Variants in RTTN observed in about 807,000 individuals in gnomAD.
The protein encoded by RTTN is rotatin.
A neutral mutation model predicts 269.2 loss-of-function variants in RTTN; 182 were observed. The ratio of observed to expected loss-of-function variants is 0.68; its 90% confidence interval spans 0.60 to 0.76. The LOEUF is 0.76. Ranked by LOEUF, RTTN falls within the 30% of genes least tolerant of loss-of-function variation. The probability of loss-of-function intolerance (pLI) is 0.00; values close to 1 mark genes in which losing one functional copy is unlikely to be tolerated. For missense variants in RTTN, 2,545 were observed against 2,608.6 expected (o/e 0.98, Z 0.53); for synonymous variants, 1,006 against 963.5 (o/e 1.04, Z -0.82).
chr18:70,061,505 CGTATGCAT>C (rs577967303), intron 35 of RTTN: 517 of 440,676 alleles, frequency 1.2e-3, no homozygotes, highest in Non-Finnish European at 1.7e-3. Flanking sequence ...TGTGTATATA[CGTATGCAT>C]GCACATACAT....
intron 45 of RTTN, chr18:70,019,741 G>A (rs936187099): frequency 3.3e-5 from 5 of 152,148 alleles, no homozygotes; most frequent in African/African-American, 1.2e-4. Context: ...TGGCTCCAAC[G>A]TGCCACTGAA....
At chr18:70,057,262 T>C (rs2057844848) in intron 37 of RTTN, among the ~76,000 whole-genome samples, 1 of 152,256 alleles carries the variant, frequency 6.6e-6, no homozygotes, top group African/African-American at 2.4e-5. Flanking sequence ...TATAAATAGA[T>C]TCTAGCTATA....
intron 31 of RTTN, among the ~76,000 whole-genome samples, chr18:70,087,414 A>G (rs1160770069): frequency 6.6e-6 from 1 of 152,172 alleles, no homozygotes; most frequent in African/African-American, 2.4e-5. Context: ...CAGCAACAAA[A>G]CTAGCCTTTT....
chr18:70,171,300 T>A (rs1465497487), intron 11 of RTTN, among the ~76,000 whole-genome samples: 1 of 152,240 alleles, frequency 6.6e-6, no homozygotes, highest in Non-Finnish European at 1.5e-5. Context: ...GAGTAAATCC[T>A]AATGGATCTA....
rs969559210 is a variant in RTTN, at chr18:70,006,391, T to C, written c.6515A>G (p.Asn2172Ser). Reference sequence around the variant, plus strand: ...ATTTTTAAAACTGACCTTCTGATAATTGTAAATCAGAGCCCAAAGGGCAGC... The same window carrying C: ...ATTTTTAAAACTGACCTTCTGATAACTGTAAATCAGAGCCCAAAGGGCAGC... Reference protein sequence around the residue: ...GAAALWALIYNYQKAKTALKS... With the variant: ...GAAALWALIYSYQKAKTALKS... Residue 2172 changes from asparagine (N) to serine (S), a missense_variant, in exon 47 of 49, where the codon AAT becomes AGT. Transcript: ENST00000640769. 3 of 1,612,236 alleles carry C rather than the reference T, an allele frequency of 1.9e-6. No individual in the cohort carries two copies. Among genetic ancestry groups the C allele is most frequent in the African/African-American group, 1.3e-5 (1 of 74,898 alleles).
chr18:70,189,525 C>T (rs751590480), intron 9 of RTTN, among the ~76,000 whole-genome samples: 1 of 152,162 alleles, frequency 6.6e-6, no homozygotes, highest in Non-Finnish European at 1.5e-5. Flanking sequence ...GAATAAAAAT[C>T]ATGACTGTTT....
intron 30 of RTTN, among the ~76,000 whole-genome samples, chr18:70,091,909 C>T (rs1405595755): frequency 1.3e-5 from 2 of 152,008 alleles, no homozygotes; most frequent in Non-Finnish European, 2.9e-5. Context: ...CCTGCCACCA[C>T]ACCCAGCTAA....
rs182307105 is a variant in RTTN at position 70,103,857 on chromosome 18, G to A, written c.3903+5641C>T. Among the ~76,000 whole-genome samples the A allele has an allele frequency of 5.4e-4, 81 of 151,376 alleles. 1 individual carries two copies. Among genetic ancestry groups the A allele is most frequent in the Middle Eastern group, 3.5e-3 (1 of 288 alleles). ...TTATAGAGTTTCTGCCGAGAGATCC[G>A]CTGTTAGTCTGACGGGCTTCCCTTT... On this transcript the variant is annotated intron_variant, in intron 28 of 48. Transcript: ENST00000640769.
rs201635728 is a variant in RTTN, at chr18:70,030,074, G to C, written c.5683C>G (p.His1895Asp). The change falls in exon 42 of 49, where the codon CAC becomes GAC. Residue 1895 changes from histidine (H) to aspartate (D), a missense_variant. Physicochemically the swap from His to Asp is moderately conservative, Grantham distance 81. Transcript: ENST00000640769. Reference sequence around the variant, plus strand: ...TCTAGGTTCAGTTGTGCATTTATGTGTTTCATCTGCTCCATGCAATTGTCT... The same window carrying C: ...TCTAGGTTCAGTTGTGCATTTATGTCTTTCATCTGCTCCATGCAATTGTCT... Reference protein sequence around the residue: ...LIDNCMEQMKHINAQLNLDSL... With the variant: ...LIDNCMEQMKDINAQLNLDSL... The C allele has an allele frequency of 1.4e-5, 23 of 1,612,478 alleles. No individual in the cohort carries two copies. The highest frequency in any genetic ancestry group is 1.9e-5 in the Non-Finnish European group (23 of 1,179,504).
chr18:70,034,697 C>A (rs901144974), intron 40 of RTTN, among the ~76,000 whole-genome samples: 3 of 152,034 alleles, frequency 2.0e-5, no homozygotes, highest in Admixed American at 6.6e-5. Flanking sequence ...CTGGCCAGGG[C>A]AATCAGGCAA....
chr18:70,166,211 A>G (rs1330554029), intron 13 of RTTN, 23 bp from the exon 14 acceptor site: 1 of 1,611,498 alleles, frequency 6.2e-7, no homozygotes. Context: ...TAAAACAACC[A>G]AGACATGTGA....
rs79781245 is a variant in RTTN, at chr18:70,187,918, A to G, written c.1305+190T>C. Among the ~76,000 whole-genome samples, 324 of 152,344 alleles carry G rather than the reference A, an allele frequency of 2.1e-3. 1 individual carries two copies. Among genetic ancestry groups the G allele is most frequent in the Non-Finnish European group, 3.8e-3 (260 of 68,020 alleles). The stretch of plus-strand genomic sequence containing the variant: ...TGGTTTTGGTCTTAATATACGTTCC[A>G]CTATTAGAAGTAACCAGAACCTTTG... On this transcript the variant is annotated intron_variant, in intron 10 of 48. Coordinates refer to ENST00000640769, the MANE Select transcript of RTTN (RefSeq NM_173630.4).
intron 4 of RTTN, among the ~76,000 whole-genome samples, chr18:70,201,522 G>C (rs2061946410): frequency 6.8e-6 from 1 of 147,502 alleles, no homozygotes; most frequent in South Asian, 2.2e-4. Flanking sequence ...GCAGGAGAAT[G>C]GCGTGAACCC....
At chr18:70,056,124 T>G (rs1163941495) in intron 37 of RTTN, among the ~76,000 whole-genome samples, 1 of 152,258 alleles carries the variant, frequency 6.6e-6, no homozygotes, top group Non-Finnish European at 1.5e-5. Context: ...GCACAGACTC[T>G]ACGTGAGGAG....
intron 12 of RTTN, among the ~76,000 whole-genome samples, chr18:70,167,539 T>C (rs962308299): frequency 2.0e-5 from 3 of 151,848 alleles, no homozygotes; most frequent in Admixed American, 6.6e-5. Context: ...CTGGCCAACA[T>C]GGCGAAACCC....
chr18:70,164,210 CTTTT>C (rs71178854), intron 14 of RTTN, among the ~76,000 whole-genome samples: 232 of 142,020 alleles, frequency 1.6e-3, no homozygotes, highest in East Asian at 2.7e-3. Flanking sequence ...AAATTTTTTC[CTTTT>C]TTTTTTTTTT....
At chr18:70,176,909 A>G in intron 10 of RTTN, 64 bp from the exon 11 acceptor site, 1 of 1,256,518 alleles carries the variant, frequency 8.0e-7, no homozygotes, top group Non-Finnish European at 1.1e-6. Context: ...AGTATACAAA[A>G]GCCATGGAGA....
Position 70,028,602 on chromosome 18 carries a change from CTG to C in RTTN, c.5823+120_5823+121del, listed in dbSNP as rs572133167. Reference sequence around the variant, plus strand: ...AACACTGAGTTTAAGGACCAATCAACTGTGTGTCTAAAAATTTAAAAGTCAGA... The same window carrying C: ...AACACTGAGTTTAAGGACCAATCAACTGTGTCTAAAAATTTAAAAGTCAGA... On this transcript the variant is annotated intron_variant, in intron 43 of 48. Coordinates refer to ENST00000640769, the MANE Select transcript of RTTN (RefSeq NM_173630.4). The C allele has an allele frequency of 1.0e-5, 6 of 575,694 alleles. No homozygotes were observed. The African/African-American group carries it at 1.1e-4, about 11-fold the overall frequency. The allele number at this position is 575,694 out of a possible 1,614,324, so 35.7% of individuals were successfully genotyped here. A position where few individuals can be genotyped will look rare whatever the true frequency, so the allele number is the denominator to read the frequency against.
intron 18 of RTTN, 148 bp from the exon 19 acceptor site, chr18:70,142,535 T>C: frequency 1.6e-6 from 1 of 609,162 alleles, no homozygotes; most frequent in African/African-American, 1.9e-5. Context: ...ATTCACACAA[T>C]GCTGGGTTAA....
Sources: gnomAD v4.1 joint callset for allele counts (sites outside exome capture counted in the v4.1 genomes callset) on GRCh38, gnomAD v4.1.1 for gene constraint, MANE v1.5 for transcripts, NCBI Gene and HGNC (gene_info 2026-07-23, HGNC 2026-07-21) for gene names.